The following RNF128 variants were observed in gnomAD, a reference collection of about 807,000 sequenced individuals.
RNF128 encodes ring finger protein 128, also known as E3 ubiquitin-protein ligase RNF128.
Under a neutral mutation model 26.2 loss-of-function variants are expected in RNF128, and 13 were observed. The ratio of observed to expected loss-of-function variants is 0.50; its 90% CI spans 0.32 to 0.79. The LOEUF (loss-of-function observed/expected upper bound fraction) is 0.79. Ranked by LOEUF, RNF128 falls within the 30% of genes least tolerant of loss-of-function variation. The pLI, the probability that RNF128 is intolerant of heterozygous loss-of-function variation, is 0.03. For synonymous variants in RNF128, 149 were observed against 142.5 expected (o/e 1.05, Z -0.32); for missense variants, 315 against 349.7 (o/e 0.90, Z 0.79).
rs1308589019 is a variant in RNF128 at position 106,721,235 on chromosome X, G to A, written c.406+26827G>A. Among the ~76,000 whole-genome samples the A allele has an allele frequency of 3.6e-5, 4 of 111,772 alleles. No homozygotes were observed. In the East Asian group the frequency reaches 1.1e-3, roughly 31 times the overall value. ...GAGTGGAGATTTATTGTCATCCCTT[G>A]TCTACACATTCTCTATACCTATGTT... On this transcript the variant is annotated intron_variant, in intron 1 of 6. Coordinates refer to the RNF128 transcript ENST00000324342.
intron 1 of RNF128, among the ~76,000 whole-genome samples, chrX:106,713,231 G>A (rs1929160064): frequency 2.8e-5 from 3 of 108,653 alleles, no homozygotes; most frequent in Middle Eastern, 4.8e-3. Flanking sequence ...AATCTCAGCC[G>A]GGTGCGGTGG....
At chrX:106,716,930 C>T (rs1359098770) in intron 1 of RNF128, among the ~76,000 whole-genome samples, 5 of 111,251 alleles carry the variant, frequency 4.5e-5, no homozygotes, top group Non-Finnish European at 9.4e-5. Flanking sequence ...TTGCCGGTCA[C>T]GGTGGCTCAT....
intron 1 of RNF128, among the ~76,000 whole-genome samples, chrX:106,740,120 G>A (rs1929677036): frequency 8.9e-6 from 1 of 111,978 alleles, no homozygotes. Context: ...GCATTATGCT[G>A]AATGTTGTAG....
chrX:106,704,419 G>A (rs969722709), intron 1 of RNF128, among the ~76,000 whole-genome samples: 1 of 85,678 alleles, frequency 1.2e-5, no homozygotes, highest in Non-Finnish European at 2.2e-5. Flanking sequence ...GCGACAGAGC[G>A]AGACTCTGTC....
chrX:106,788,407 ATATAATATATAATAT>A (rs1930716187), intron 4 of RNF128, among the ~76,000 whole-genome samples: 1 of 44,579 alleles, frequency 2.2e-5, no homozygotes, highest in Non-Finnish European at 3.6e-5. Flanking sequence ...TATATATAAT[ATATAATATATAATAT>A]ATATTATATA....
chrX:106,769,648 A>G (rs1319050271), intron 1 of RNF128, among the ~76,000 whole-genome samples: 2 of 105,968 alleles, frequency 1.9e-5, no homozygotes, highest in Admixed American at 1.0e-4. Flanking sequence ...GGTCTCCTGA[A>G]TACAGCACAC....
In RNF128 at chrX:106,796,818, G is replaced by T. The variant is rs1930927361; in HGVS notation, c.*1105G>T. ...TGTACTCTGTGTGGCTTTTGTTTTA[G>T]AATTTTGTTCAAATTATAGCAGAAT... On this transcript the variant is annotated 3_prime_UTR_variant, in exon 7 of 7. Coordinates refer to ENST00000255499, the MANE Select transcript of RNF128 (RefSeq NM_194463.2). The T allele has an allele frequency of 9.0e-6, 1 of 111,431 alleles. No individual in the cohort carries two copies. Among genetic ancestry groups the T allele is most frequent in the African/African-American group, 3.3e-5 (1 of 30,605 alleles). The allele number at this position is 111,431 out of a possible 1,213,427, so 9.2% of individuals were successfully genotyped here. A position where few individuals can be genotyped will look rare whatever the true frequency, so the allele number is the denominator to read the frequency against.
chrX:106,725,299 C>A (rs1193260564), upstream of RNF128, among the ~76,000 whole-genome samples: 1 of 111,583 alleles, frequency 9.0e-6, no homozygotes, highest in East Asian at 2.8e-4. Context: ...CACAAAATTG[C>A]ACATTTATTT....
chrX:106,777,884 C>T (rs1261270233), intron 2 of RNF128, among the ~76,000 whole-genome samples: 1 of 110,999 alleles, frequency 9.0e-6, no homozygotes, highest in African/African-American at 3.3e-5. Context: ...GTGGGAGAAT[C>T]ACTTGAGCCC....
intron 1 of RNF128, among the ~76,000 whole-genome samples, chrX:106,729,774 TA>T (rs1451817779): frequency 1.8e-5 from 2 of 112,019 alleles, no homozygotes; most frequent in African/African-American, 6.5e-5. Flanking sequence ...TTTTTCAATA[TA>T]GGGGGAAAAT....
At position 106,704,381 on chromosome X, in the gene RNF128, T is replaced by C. The variant is rs757766914; in HGVS notation, c.406+9973T>C. Among the ~76,000 whole-genome samples, 698 of 95,785 alleles carry C rather than the reference T, an allele frequency of 7.3e-3. 4 individuals carry two copies. Among genetic ancestry groups the C allele is most frequent in the African/African-American group, 0.026 (645 of 24,926 alleles). The allele number at this position is 95,785 out of a possible 115,157, so 83.2% of individuals were successfully genotyped here. A position where few individuals can be genotyped will look rare whatever the true frequency, so the allele number is the denominator to read the frequency against. On this transcript the variant is annotated intron_variant, in intron 1 of 6. Transcript: ENST00000324342. The stretch of plus-strand genomic sequence containing the variant: ...CCGGGAGGCGGAGCTTGCAGTGAGC[T>C]GAGATCGCGCCACGCACTCCAGCCT...
chrX:106,776,240 A>G (rs1930462948), intron 2 of RNF128, among the ~76,000 whole-genome samples: 1 of 112,040 alleles, frequency 8.9e-6, no homozygotes, highest in African/African-American at 3.2e-5. Flanking sequence ...GGTACCGTAA[A>G]TGTATCCTAA....
At position 106,791,301 on chromosome X, in the gene RNF128, C is replaced by G; in HGVS notation, c.1153+67C>G. Reference sequence around the variant, plus strand: ...TTGTAGATCATATGCCTGTATAGTACTCTTGCTTTTTAGCGTTTGTTCCAT... The same window carrying G: ...TTGTAGATCATATGCCTGTATAGTAGTCTTGCTTTTTAGCGTTTGTTCCAT... On this transcript the variant is annotated intron_variant, in intron 6 of 6. Coordinates refer to ENST00000255499, the MANE Select transcript of RNF128 (RefSeq NM_194463.2). The G allele has an allele frequency of 3.9e-6, 4 of 1,015,787 alleles. No individual in the cohort carries two copies. In the South Asian group the frequency reaches 8.4e-5, roughly 21 times the overall value. 83.7% of individuals were successfully genotyped at this position (1,015,787 alleles called of 1,213,427 possible).
chrX:106,721,199 G>A (rs760008669), intron 1 of RNF128, among the ~76,000 whole-genome samples: 44 of 111,950 alleles, frequency 3.9e-4, no homozygotes, highest in Non-Finnish European at 6.0e-4. Context: ...TCTACATAGA[G>A]CAGCTGCCTG....
chrX:106,791,012 C>T (rs935378679), intron 5 of RNF128, 54 bp from the exon 6 acceptor site: 4 of 1,079,817 alleles, frequency 3.7e-6, no homozygotes, highest in Admixed American at 4.8e-5. Context: ...AGTGATATGT[C>T]GAGGAAAAGC....
chrX:106,741,963 C>A (rs192279390), intron 1 of RNF128, among the ~76,000 whole-genome samples: 195 of 111,421 alleles, frequency 1.8e-3, no homozygotes, highest in Non-Finnish European at 1.4e-3. Flanking sequence ...AATTTTATTC[C>A]GTAGGTGAAA....
intron 2 of RNF128, among the ~76,000 whole-genome samples, chrX:106,778,318 A>ATACTGTACAAACAGT (rs1355550960): frequency 8.9e-6 from 1 of 112,100 alleles, no homozygotes; most frequent in African/African-American, 3.2e-5. Flanking sequence ...TAATATATAA[A>ATACTGTACAAACAGT]TACTGTACAA....
At chrX:106,765,780 A>G (rs1930211542) in intron 1 of RNF128, among the ~76,000 whole-genome samples, 1 of 110,896 alleles carries the variant, frequency 9.0e-6, no homozygotes, top group African/African-American at 3.3e-5. Context: ...GGTTTGTCAC[A>G]TATGTTTACA....
intron 1 of RNF128, among the ~76,000 whole-genome samples, chrX:106,712,934 G>T (rs985339379): frequency 5.8e-5 from 6 of 103,774 alleles, no homozygotes; most frequent in African/African-American, 1.4e-4. Flanking sequence ...GGCTGGAAGT[G>T]CAGTGGCGCT....
Sources: allele counts gnomAD v4.1 joint callset (sites outside exome capture counted in the v4.1 genomes callset), GRCh38; gene constraint gnomAD v4.1.1; transcripts MANE v1.5; gene names NCBI Gene and HGNC (gene_info 2026-07-23, HGNC 2026-07-21).